The following LMNTD2 variants were observed in gnomAD, a reference collection of about 807,000 sequenced individuals.
LMNTD2 encodes the protein lamin tail domain containing 2, also known as lamin tail domain-containing protein 2.
Under a neutral mutation model 70.1 loss-of-function variants are expected in LMNTD2, and 83 were observed. The observed-to-expected ratio is 1.18, with a 90% CI of 0.99 to 1.42. The LOEUF is 1.42. Among genes scored for constraint, LMNTD2 ranks in the 40% most tolerant of loss-of-function variants. The pLI is 0.00. For missense variants in LMNTD2, 1,153 were observed against 905.9 expected (o/e 1.27, Z -3.50); for synonymous variants, 534 against 406.1 (o/e 1.31, Z -3.79).
Position 555,307 on chromosome 11 carries a change from G to C in LMNTD2, c.1771C>G (p.Arg591Gly). 1 of 1,415,898 alleles carries C rather than the reference G, an allele frequency of 7.1e-7. No individual in the cohort carries two copies. Among genetic ancestry groups the C allele is most frequent in the Middle Eastern group, 2.1e-4 (1 of 4,792 alleles). The allele number at this position is 1,415,898 out of a possible 1,614,324, so 87.7% of individuals were successfully genotyped here. A position where few individuals can be genotyped will look rare whatever the true frequency, so the allele number is the denominator to read the frequency against. ...DCRLQKEHRVRVCRKSVDRSC... is the reference protein window; with the variant it reads ...DCRLQKEHRVGVCRKSVDRSC... Reference sequence around the variant, plus strand: ...CGCACCCGCAAGCGCGCACTCACCCGAACTCGGTGTTCTTTCTGGAGCCGA... The same window carrying C: ...CGCACCCGCAAGCGCGCACTCACCCCAACTCGGTGTTCTTTCTGGAGCCGA... Residue 591 changes from arginine to glycine, a missense_variant and splice_region_variant, in exon 13 of 14, where the codon CGG becomes GGG. By Grantham distance (125) the Arg-to-Gly change is moderately radical. Transcript: ENST00000329451.
chr11:554,938 GC>G lies in LMNTD2; in HGVS notation c.*41del. The G allele has an allele frequency of 7.0e-7, 1 of 1,430,510 alleles. No homozygotes were observed. 88.6% of individuals were successfully genotyped at this position (1,430,510 alleles called of 1,614,324 possible). A position where few individuals can be genotyped will look rare whatever the true frequency, so the allele number is the denominator to read the frequency against. On this transcript the variant is annotated 3_prime_UTR_variant, in exon 14 of 14. Transcript: ENST00000329451. Reference sequence around the variant, plus strand: ...CACAGCCCGCCCAGCCCCGGCGCCCGCCCGCGCCCTCCCTCGCGGTCCCGGC... The same window carrying G: ...CACAGCCCGCCCAGCCCCGGCGCCCGCCGCGCCCTCCCTCGCGGTCCCGGC...
chr11:557,961 G>A lies in LMNTD2; in HGVS notation c.478C>T (p.Gln160Ter). ...QEMEAELQNLQKSCLLQLARS... is the reference protein window; with the variant it reads ...QEMEAELQNL ...GCCAGCTGCAGGAGGCAGGACTTCT[G>A]CAAGTTCTGCAGCTCGGCCTCCATC... The change falls in exon 5 of 14, where the codon CAG (glutamine) becomes TAG (stop). Residue 160 changes from glutamine (Q) to a stop codon, truncating the protein, a stop_gained. Transcript: ENST00000329451. LOFTEE classifies it high-confidence loss of function. 1 of 1,599,746 alleles carries A rather than the reference G, an allele frequency of 6.3e-7. No individual in the cohort carries two copies. The highest frequency in any genetic ancestry group is 8.5e-7 in the Non-Finnish European group (1 of 1,172,300).
At position 560,734 on chromosome 11, in the gene LMNTD2, T is replaced by A. The variant is rs769293889; in HGVS notation, c.-18A>T. The A allele has an allele frequency of 2.3e-5, 33 of 1,414,108 alleles. No homozygotes were observed. In the Middle Eastern group the frequency reaches 2.0e-3, roughly 84 times the overall value. The allele number at this position is 1,414,108 out of a possible 1,614,324, so 87.6% of individuals were successfully genotyped here. A position where few individuals can be genotyped will look rare whatever the true frequency, so the allele number is the denominator to read the frequency against. ...CACCGCATTTCCGCGTTTTTCGCGG[T>A]AGGCGGGAGGTGGGGGCGGGGACTG... On this transcript the variant is annotated 5_prime_UTR_variant, in exon 1 of 14. Transcript: ENST00000329451.
rs753806780 is a variant in LMNTD2, at chr11:555,838, G to A, written c.1470C>T (p.Leu490=). Residue 490 remains leucine, a synonymous_variant, in exon 12 of 14, where the codon CTC becomes CTT. Transcript: ENST00000329451. ...GTDLSIDRFP[L]PEAGPGADTR... is the part of the protein sequence containing the mutation. ...TGTCGGCGCCGGGCCCGGCCTCAGG[G>A]AGCGGGAAGCGGTCGATGGACAAGT... The A allele has an allele frequency of 1.3e-6, 2 of 1,551,756 alleles. No individual in the cohort carries two copies. The highest frequency in any genetic ancestry group is 1.7e-6 in the Non-Finnish European group (2 of 1,156,674).
Position 557,038 on chromosome 11 carries a change from G to C in LMNTD2, c.773C>G (p.Ser258Cys). ...TGSPESSGKH[S>C]ERHHKTVEWG... is the part of the protein sequence containing the mutation. The stretch of plus-strand genomic sequence containing the variant: ...CTCCACGGTCTTGTGATGCCGCTCG[G>C]AATGCTTTCCAGAGGACTCTGGGCT... Residue 258 changes from serine (S) to cysteine (C), a missense_variant, in exon 8 of 14, where the codon TCC becomes TGC. Transcript: ENST00000329451. The C allele has an allele frequency of 1.2e-6, 2 of 1,609,588 alleles. No homozygotes were observed. The highest frequency in any genetic ancestry group is 1.7e-5 in the Admixed American group (1 of 59,742).
intron 7 of LMNTD2, 120 bp from the exon 8 acceptor site, chr11:557,217 T>G (rs1393951324): frequency 7.0e-7 from 1 of 1,435,534 alleles, no homozygotes; most frequent in Non-Finnish European, 9.3e-7. Context: ...CAGGCTCAGT[T>G]CATGGCAGGA....
intron 1 of LMNTD2, 153 bp from the exon 2 acceptor site, chr11:559,132 G>A (rs1311305731): frequency 6.1e-5 from 90 of 1,473,942 alleles, no homozygotes; most frequent in Middle Eastern, 1.8e-4. Context: ...CAGCCCAGGC[G>A]TCACCACTTA....
chr11:559,100 C>T lies in LMNTD2; in HGVS notation c.35-121G>A, dbSNP rs572570488. On this transcript the variant is annotated intron_variant, in intron 1 of 13. Coordinates refer to ENST00000329451, the MANE Select transcript of LMNTD2 (RefSeq NM_173573.3). ...GGGGGCCCGTCTGCCGTGTGCGCCT[C>T]GTGTGGCCACACAGGTTGGAGCAGC... 9.6e-5 allele frequency: 145 copies of T among 1,516,350 alleles called. No homozygotes were observed. In the African/African-American group the frequency reaches 1.7e-3, roughly 18 times the overall value. 93.9% of individuals were successfully genotyped at this position (1,516,350 alleles called of 1,614,324 possible).
chr11:558,129 G>C (rs779469603), intron 4 of LMNTD2, 32 bp downstream of exon 4: 1 of 1,611,166 alleles, frequency 6.2e-7, no homozygotes, highest in South Asian at 1.1e-5. Flanking sequence ...CCAACACCAG[G>C]ACCCTGCCCA....
In LMNTD2 at chr11:554,927, C is replaced by T; in HGVS notation, c.*53G>A. Reference sequence around the variant, plus strand: ...GATGCAGCGGACACAGCCCGCCCAGCCCCGGCGCCCGCCCGCGCCCTCCCT... The same window carrying T: ...GATGCAGCGGACACAGCCCGCCCAGTCCCGGCGCCCGCCCGCGCCCTCCCT... On this transcript the variant is annotated 3_prime_UTR_variant, in exon 14 of 14. Coordinates refer to ENST00000329451, the MANE Select transcript of LMNTD2 (RefSeq NM_173573.3). 3.0e-6 allele frequency: 4 copies of T among 1,353,528 alleles called. No homozygotes were observed. The South Asian group carries it at 4.5e-5, about 15-fold the overall frequency. The allele number at this position is 1,353,528 out of a possible 1,614,324, so 83.8% of individuals were successfully genotyped here.
intron 1 of LMNTD2, 126 bp from the exon 2 acceptor site, chr11:559,105 G>A: frequency 1.3e-6 from 2 of 1,510,996 alleles, no homozygotes; most frequent in Non-Finnish European, 1.8e-6. Flanking sequence ...CGCCTCGTGT[G>A]GCCACACAGG....
chr11:559,141 T>C, intron 1 of LMNTD2, 162 bp from the exon 2 acceptor site: 1 of 1,467,150 alleles, frequency 6.8e-7, no homozygotes, highest in Non-Finnish European at 9.0e-7. Flanking sequence ...CGTCACCACT[T>C]ACTCACAGAG....
rs1366873226 is a variant in LMNTD2, at chr11:556,832, C to A, written c.976+3G>T. ...TAACCAGGGGAGACCCGCCCCACTG[C>A]ACCTTCTGAGTCCCTGCTGTAGCTG... On this transcript the variant is annotated splice_donor_region_variant and intron_variant, in intron 8 of 13. Coordinates refer to ENST00000329451, the MANE Select transcript of LMNTD2 (RefSeq NM_173573.3). The A allele has an allele frequency of 1.3e-6, 2 of 1,565,422 alleles. No homozygotes were observed. Among genetic ancestry groups the A allele is most frequent in the Non-Finnish European group, 1.7e-6 (2 of 1,153,050 alleles).
At position 558,613 on chromosome 11, in the gene LMNTD2, C is replaced by A. The variant is rs779181531; in HGVS notation, c.311+1G>T. ...GTTGGGCTGGGGACTGTGCTGCAGA[C>A]CTCTTGGGCGGAAGCCCCGCCACCT... On this transcript the variant is annotated splice_donor_variant, in intron 3 of 13. Coordinates refer to ENST00000329451, the MANE Select transcript of LMNTD2 (RefSeq NM_173573.3). LOFTEE classifies it high-confidence loss of function. 1.2e-6 allele frequency: 2 copies of A among 1,605,030 alleles called. No homozygotes were observed. Among genetic ancestry groups the A allele is most frequent in the South Asian group, 1.1e-5 (1 of 90,060 alleles).
Position 556,406 on chromosome 11 carries a change from G to A in LMNTD2, c.1074-31C>T, listed in dbSNP as rs1429572446. On this transcript the variant is annotated intron_variant, in intron 9 of 13. Transcript: ENST00000329451. ...AAGAGAGGAGACGCTGTGAGGAGATGCGGCCGGTCCACCCGCACAGCTGCG... is the reference window on the plus strand; with the variant it reads ...AAGAGAGGAGACGCTGTGAGGAGATACGGCCGGTCCACCCGCACAGCTGCG... 2.6e-6 allele frequency: 4 copies of A among 1,540,006 alleles called. No homozygotes were observed. In the South Asian group the frequency reaches 3.6e-5, roughly 14 times the overall value.
At chr11:559,129 G>A in intron 1 of LMNTD2, 150 bp from the exon 2 acceptor site, 2 of 1,477,164 alleles carry the variant, frequency 1.4e-6, no homozygotes, top group East Asian at 2.4e-5. Flanking sequence ...GAGCAGCCCA[G>A]GCGTCACCAC....
At chr11:555,558 A>G in intron 12 of LMNTD2, 55 bp from the exon 13 acceptor site, 1 of 1,317,306 alleles carries the variant, frequency 7.6e-7, no homozygotes, top group South Asian at 2.0e-5. Context: ...GCGGCCCTAG[A>G]GGGCTCCGCG....
At chr11:559,909 G>GCCT (rs1853168222) in intron 1 of LMNTD2, 3 of 323,544 alleles carry the variant, frequency 9.3e-6, no homozygotes, top group South Asian at 1.8e-4. Flanking sequence ...ACAGGCACCC[G>GCCT]CCTCCACCGC....
intron 1 of LMNTD2, chr11:559,562 C>T (rs1361339588): frequency 8.3e-7 from 1 of 1,206,094 alleles, no homozygotes; most frequent in East Asian, 5.8e-5. Context: ...TAGTGACCAA[C>T]ACCCTGAGGG....
Sources: gnomAD v4.1 joint callset for allele counts on GRCh38, gnomAD v4.1.1 for gene constraint, MANE v1.5 for transcripts, NCBI Gene and HGNC (gene_info 2026-07-23, HGNC 2026-07-21) for gene names.